The following NRG3 variants were observed in gnomAD, a reference collection of about 807,000 sequenced individuals.
NRG3 encodes the protein neuregulin 3, also known as pro-neuregulin-3, membrane-bound isoform.
Under a neutral mutation model 66.9 loss-of-function variants are expected in NRG3, and 31 were observed. The ratio of observed to expected loss-of-function variants is 0.46; its 90% CI spans 0.35 to 0.63. NRG3 has a LOEUF of 0.63. Ranked by LOEUF, NRG3 falls within the 20% of genes least tolerant of loss-of-function variation. The pLI is 0.00. For missense variants in NRG3, 910 were observed against 878.9 expected (o/e 1.04, Z -0.45); for synonymous variants, 393 against 359.4 (o/e 1.09, Z -1.06).
chr10:82,566,484 G>T lies in NRG3; in HGVS notation c.954-172093G>T, dbSNP rs2348331. ...AAGTTCTGTGGGTGAAAAGAAGAAG[G>T]CATGGCCAAAGAATCCGAAATTAAT... On this transcript the variant is annotated intron_variant, in intron 2 of 8. Transcript: ENST00000372141. 5.9e-5 allele frequency among the ~76,000 whole-genome samples: 9 copies of T among 151,742 alleles called. No individual in the cohort carries two copies. The East Asian group carries it at 1.4e-3, about 23-fold the overall frequency.
intron 1 of NRG3, among the ~76,000 whole-genome samples, chr10:82,124,595 T>G (rs540396149): frequency 6.6e-6 from 1 of 151,752 alleles, no homozygotes; most frequent in East Asian, 2.0e-4. Flanking sequence ...GGGAGAACAT[T>G]AGGACAAATA....
intron 1 of NRG3, among the ~76,000 whole-genome samples, chr10:82,132,481 T>TATATATATGATATATATATC (rs1564593369): frequency 5.5e-4 from 4 of 7,316 alleles, no homozygotes; most frequent in African/African-American, 2.8e-3. Context: ...ATATATATGA[T>TATATATATGATATATATATC]ATATATATAT....
At chr10:82,973,080 C>A (rs1031635200) in intron 6 of NRG3, among the ~76,000 whole-genome samples, 1 of 152,156 alleles carries the variant, frequency 6.6e-6, no homozygotes, top group Non-Finnish European at 1.5e-5. Context: ...TTCCAGCGCC[C>A]AGTGTGCAGG....
At chr10:82,055,476 CAAAA>C (rs35438768) in intron 1 of NRG3, among the ~76,000 whole-genome samples, 4 of 115,900 alleles carry the variant, frequency 3.5e-5, no homozygotes, top group Admixed American at 8.8e-5. Flanking sequence ...GACTCCGTCT[CAAAA>C]AAAAAAAAAA....
At chr10:81,888,881 C>T (rs1327341919) in intron 1 of NRG3, among the ~76,000 whole-genome samples, 1 of 152,034 alleles carries the variant, frequency 6.6e-6, no homozygotes, top group Admixed American at 6.6e-5. Context: ...GAATGAGCAG[C>T]GAATTTTAAA....
chr10:82,142,763 G>A (rs78387248), intron 1 of NRG3, among the ~76,000 whole-genome samples: 12 of 102,280 alleles, frequency 1.2e-4, no homozygotes, highest in South Asian at 3.5e-4. Context: ...TCTCTCTCTC[G>A]CTCTTTTTTT....
intron 3 of NRG3, among the ~76,000 whole-genome samples, chr10:82,758,942 A>G (rs373209006): frequency 6.6e-6 from 1 of 152,058 alleles, no homozygotes; most frequent in African/African-American, 2.4e-5. Context: ...TCACCACCCA[A>G]ATCAAGCCAC....
chr10:82,649,854 G>A (rs1201845882), intron 2 of NRG3, among the ~76,000 whole-genome samples: 4 of 152,032 alleles, frequency 2.6e-5, no homozygotes, highest in African/African-American at 9.7e-5. Context: ...GAATTTGGGT[G>A]GACTGATTAT....
In NRG3 at chr10:82,268,527, TA is replaced by T. The variant is rs2078423495; in HGVS notation, c.824-90211del. ...ATACCACCATTTGAAAATCGCAAAA[TA>T]TTTTTAAATCTATCCTCTTTCTTAT... is the stretch of plus-strand genomic sequence containing the variant. On this transcript the variant is annotated intron_variant, in intron 1 of 8. Coordinates refer to ENST00000372141, the MANE Select transcript of NRG3 (RefSeq NM_001010848.4). Among the ~76,000 whole-genome samples, 3 of 152,126 alleles carry T rather than the reference TA, an allele frequency of 2.0e-5. No homozygotes were observed. In the East Asian group the frequency reaches 5.8e-4, roughly 29 times the overall value.
chr10:82,004,705 A>C (rs573912279), intron 1 of NRG3, among the ~76,000 whole-genome samples: 1 of 152,310 alleles, frequency 6.6e-6, no homozygotes, highest in Non-Finnish European at 1.5e-5. Context: ...AGAGGTAATT[A>C]TATTAAAATG....
chr10:82,485,034 G>A (rs1004315644), intron 2 of NRG3, among the ~76,000 whole-genome samples: 2 of 152,144 alleles, frequency 1.3e-5, no homozygotes, highest in African/African-American at 4.8e-5. Flanking sequence ...CATGGGAAGG[G>A]TATGCTGCAG....
intron 1 of NRG3, among the ~76,000 whole-genome samples, chr10:82,272,379 G>T (rs1008342564): frequency 6.6e-6 from 1 of 152,036 alleles, no homozygotes; most frequent in African/African-American, 2.4e-5. Flanking sequence ...TGATCCTGGA[G>T]GGTGCTGGAA....
chr10:82,871,020 A>G (rs935309171), intron 4 of NRG3, among the ~76,000 whole-genome samples: 1 of 152,104 alleles, frequency 6.6e-6, no homozygotes, highest in Admixed American at 6.5e-5. Context: ...AAATACTCTC[A>G]TATGTGATCT....
Position 82,122,932 on chromosome 10 carries a change from A to C in NRG3, c.824-235807A>C, listed in dbSNP as rs1426422319. 3.9e-5 allele frequency among the ~76,000 whole-genome samples: 6 copies of C among 152,116 alleles called. No homozygotes were observed. The East Asian group carries it at 1.2e-3, about 29-fold the overall frequency. ...CTTTCTGTCTCTTCCTCAATCCCCA[A>C]ATCTGCTCTGTGTTACCTGCTCAGA... On this transcript the variant is annotated intron_variant, in intron 1 of 8. Transcript: ENST00000372141.
chr10:82,827,426 C>CCTAGCTAGGA, intron 3 of NRG3, among the ~76,000 whole-genome samples: 1 of 152,150 alleles, frequency 6.6e-6, no homozygotes, highest in East Asian at 1.9e-4. Context: ...GGCTGATGAG[C>CCTAGCTAGGA]AGGTAGTACT....
intron 1 of NRG3, among the ~76,000 whole-genome samples, chr10:81,919,983 A>G (rs1469314951): frequency 6.6e-6 from 1 of 152,204 alleles, no homozygotes; most frequent in Non-Finnish European, 1.5e-5. Context: ...ATACACTAAT[A>G]TACGAAAAAT....
At chr10:82,155,851 G>A (rs1370267574) in intron 1 of NRG3, among the ~76,000 whole-genome samples, 1 of 151,622 alleles carries the variant, frequency 6.6e-6, no homozygotes, top group African/African-American at 2.4e-5. Context: ...TACATAACAG[G>A]TAGTATGGAC....
intron 1 of NRG3, among the ~76,000 whole-genome samples, chr10:82,125,538 T>A (rs1370413224): frequency 6.6e-6 from 1 of 152,058 alleles, no homozygotes; most frequent in Non-Finnish European, 1.5e-5. Flanking sequence ...TTAGTAAAGA[T>A]AAATTCTGAA....
At chr10:82,027,637 C>T (rs2062373215) in intron 1 of NRG3, among the ~76,000 whole-genome samples, 1 of 152,060 alleles carries the variant, frequency 6.6e-6, no homozygotes, top group South Asian at 2.1e-4. Flanking sequence ...GAGTGTTTCT[C>T]AATTCAAAAC....
Sources: allele counts gnomAD v4.1 joint callset (sites outside exome capture counted in the v4.1 genomes callset), GRCh38; gene constraint gnomAD v4.1.1; transcripts MANE v1.5; gene names NCBI Gene and HGNC (gene_info 2026-07-23, HGNC 2026-07-21).